NPHP4: variants seen among roughly 807,000 people sequenced by gnomAD.
NPHP4 encodes nephrocystin 4.
In NPHP4, 151 loss-of-function variants were observed where a neutral mutation model predicts 155.8. The observed-to-expected ratio is 0.97, with a 90% confidence interval of 0.85 to 1.11. NPHP4 has a LOEUF of 1.11. Ranked by LOEUF, NPHP4 falls within the 50% of genes least tolerant of loss-of-function variation. NPHP4 has a pLI of 0.00. For synonymous variants in NPHP4, 845 were observed against 816.8 expected (o/e 1.03, Z -0.59); for missense variants, 1,956 against 1,925.7 (o/e 1.02, Z -0.29).
At chr1:5,942,678 G>C (rs1007278787) in intron 9 of NPHP4, among the ~76,000 whole-genome samples, 8 of 151,388 alleles carry the variant, frequency 5.3e-5, no homozygotes, top group African/African-American at 1.5e-4. Flanking sequence ...TCCTGAACTG[G>C]ACACGGTACT....
intron 16 of NPHP4, among the ~76,000 whole-genome samples, chr1:5,897,297 C>T (rs1644441169): frequency 6.6e-6 from 1 of 152,072 alleles, no homozygotes; most frequent in African/African-American, 2.4e-5. Flanking sequence ...TTGCATGAAG[C>T]CAAAAAATGT....
rs1372922219 is a variant in NPHP4, at chr1:5,863,242, G to A, written c.*23C>T. 3.1e-6 allele frequency: 5 copies of A among 1,613,504 alleles called. No homozygotes were observed. The highest frequency in any genetic ancestry group is 2.2e-5 in the East Asian group (1 of 44,900). ...AGACAGGCCCCAGCTGGGTGCCGCA[G>A]GAAGGACGTCACCCTCAAGCCCTCA... On this transcript the variant is annotated 3_prime_UTR_variant, in exon 30 of 30. Transcript: ENST00000378156.
chr1:5,941,832 C>T (rs545384387), intron 9 of NPHP4, among the ~76,000 whole-genome samples: 3 of 152,306 alleles, frequency 2.0e-5, no homozygotes, highest in African/African-American at 2.4e-5. Context: ...ACAAGTCAAC[C>T]ATCTACCCAC....
chr1:5,911,525 G>A (rs140838389), intron 11 of NPHP4, among the ~76,000 whole-genome samples: 2 of 152,282 alleles, frequency 1.3e-5, no homozygotes, highest in South Asian at 2.1e-4. Context: ...TGAACTTCTC[G>A]CATGCATTTT....
At chr1:5,969,374 C>G (rs1449721709) in intron 3 of NPHP4, 115 bp from the exon 4 acceptor site, 2 of 585,306 alleles carry the variant, frequency 3.4e-6, no homozygotes, top group Non-Finnish European at 5.8e-6. Context: ...CATCCGGAAC[C>G]CTCTACCATG....
intron 6 of NPHP4, among the ~76,000 whole-genome samples, chr1:5,954,974 A>G (rs1447529209): frequency 6.6e-6 from 1 of 152,156 alleles, no homozygotes; most frequent in Non-Finnish European, 1.5e-5. Flanking sequence ...TGTAAACTAT[A>G]TATCTAACAA....
Position 5,910,325 on chromosome 1 carries a change from C to T in NPHP4, c.1442-1112G>A, listed in dbSNP as rs1357503479. Among the ~76,000 whole-genome samples the T allele has an allele frequency of 2.6e-5, 4 of 152,180 alleles. No homozygotes were observed. Among genetic ancestry groups the T allele is most frequent in the Non-Finnish European group, 5.9e-5 (4 of 68,030 alleles). ...TCCTTCACGGTGACAGGACTCTCCA[C>T]TGCAGCAGACACTACCACTCCCCAT... is the stretch of plus-strand genomic sequence containing the variant. On this transcript the variant is annotated intron_variant, in intron 11 of 29. Coordinates refer to ENST00000378156, the MANE Select transcript of NPHP4 (RefSeq NM_015102.5). The surrounding 1 kb of genome is among the most constrained non-coding windows in gnomAD (Gnocchi z 5.4).
intron 7 of NPHP4, among the ~76,000 whole-genome samples, chr1:5,950,976 C>G (rs760482817): frequency 6.6e-6 from 1 of 152,166 alleles, no homozygotes; most frequent in Admixed American, 6.5e-5. Context: ...CAGCCTCCCA[C>G]GGGAGCATGG....
At chr1:5,924,762 C>A (rs1363907353) in intron 11 of NPHP4, among the ~76,000 whole-genome samples, 4 of 152,180 alleles carry the variant, frequency 2.6e-5, no homozygotes, top group Non-Finnish European at 4.4e-5. Flanking sequence ...TCAACCAATC[C>A]TCTTGCCTTG....
rs780624979 is a variant in NPHP4 at position 5,867,825 on chromosome 1, C to G, written c.3387G>C (p.Val1129=). The G allele has an allele frequency of 6.2e-7, 1 of 1,613,708 alleles. No individual in the cohort carries two copies. Among genetic ancestry groups the G allele is most frequent in the Non-Finnish European group, 8.5e-7 (1 of 1,179,866 alleles). Residue 1129 remains valine, a synonymous_variant, in exon 24 of 30, where the codon GTG becomes GTC. Coordinates refer to ENST00000378156, the MANE Select transcript of NPHP4 (RefSeq NM_015102.5). This position sits in a 1 kb window ranked among gnomAD's most constrained non-coding sequence, Gnocchi z 4.1. ...GATAGAAGCGGAAGACCTGGTCCAC[C>G]ACGTGGGGCTGCAGCTCCACAGTCA... The part of the protein sequence containing the change: ...LCLTVELQPH[V]VDQVFRFYHP...
At chr1:5,884,848 G>A (rs1322725700) in intron 18 of NPHP4, among the ~76,000 whole-genome samples, 2 of 140,570 alleles carry the variant, frequency 1.4e-5, no homozygotes, top group Non-Finnish European at 3.0e-5. Flanking sequence ...CAAGATCACT[G>A]CCCAAGCTCC....
At position 5,892,669 on chromosome 1, in the gene NPHP4, G is replaced by A. The variant is rs907314158; in HGVS notation, c.2144-1641C>T. Among the ~76,000 whole-genome samples, 1 of 151,946 alleles carries A rather than the reference G, an allele frequency of 6.6e-6. No homozygotes were observed. The highest frequency in any genetic ancestry group is 2.4e-5 in the African/African-American group (1 of 41,328). ...GGGTCGAGCTGTGTTTGGGACGCGC[G>A]TACTCTCCCCACTGCAGCCTCAGAC... is the stretch of plus-strand genomic sequence containing the variant. On this transcript the variant is annotated intron_variant, in intron 16 of 29. Coordinates refer to ENST00000378156, the MANE Select transcript of NPHP4 (RefSeq NM_015102.5). This position sits in a 1 kb window ranked among gnomAD's most constrained non-coding sequence, Gnocchi z 4.5.
rs1223394721 is a variant in NPHP4 at position 5,877,227 on chromosome 1, C to T, written c.2683G>A (p.Ala895Thr). 6.2e-7 allele frequency: 1 copy of T among 1,608,702 alleles called. No individual in the cohort carries two copies. Among genetic ancestry groups the T allele is most frequent in the African/African-American group, 1.3e-5 (1 of 74,888 alleles). ...TCCTGGGGCCCCTTGCCCTGCCGGG[C>T]ATGGGTCAGTAGCATGGCAGCCAGC... ...SELAAMLLTH[A>T]RQGKGPQDVS... The change falls in exon 20 of 30, where the codon GCC becomes ACC. Residue 895 changes from alanine (A) to threonine (T), a missense_variant. By Grantham distance (58) the Ala-to-Thr change is moderately conservative. Transcript: ENST00000378156.
intron 23 of NPHP4, among the ~76,000 whole-genome samples, chr1:5,871,839 G>A (rs998335019): frequency 6.6e-6 from 1 of 152,184 alleles, no homozygotes; most frequent in Admixed American, 6.5e-5. Flanking sequence ...CGATGCCGAG[G>A]TCTGCGTTGA....
At chr1:5,960,334 G>A (rs1650064051) in intron 6 of NPHP4, among the ~76,000 whole-genome samples, 1 of 152,106 alleles carries the variant, frequency 6.6e-6, no homozygotes, top group South Asian at 2.1e-4. Context: ...CAATGATGAT[G>A]TCCACCATAG....
rs764600320 is a variant in NPHP4, at chr1:5,874,830, C to G, written c.3044+44G>C. 4 of 1,591,364 alleles carry G rather than the reference C, an allele frequency of 2.5e-6. No homozygotes were observed. The South Asian group carries it at 3.3e-5, about 13-fold the overall frequency. On this transcript the variant is annotated intron_variant, in intron 21 of 29. Coordinates refer to ENST00000378156, the MANE Select transcript of NPHP4 (RefSeq NM_015102.5). ...CAGCAGGGGTGCCGGCTGCACCCGACACAGATCTGGGCTGGGGCAGGACGG... is the reference window on the plus strand; with the variant it reads ...CAGCAGGGGTGCCGGCTGCACCCGAGACAGATCTGGGCTGGGGCAGGACGG...
intron 23 of NPHP4, 48 bp downstream of exon 23, chr1:5,873,203 GA>G (rs758464422): frequency 6.8e-7 from 1 of 1,481,398 alleles, no homozygotes; most frequent in Non-Finnish European, 9.4e-7. Flanking sequence ...CAGGCCCTGG[GA>G]ATACCCAGGA....
At chr1:5,885,901 C>T (rs140174679) in intron 18 of NPHP4, among the ~76,000 whole-genome samples, 3,222 of 152,320 alleles carry the variant, frequency 0.021, 62 homozygotes, top group Middle Eastern at 0.048. Flanking sequence ...CGGGTGGATT[C>T]GACCTTTGTG....
At chr1:5,894,717 C>A (rs1056309947) in intron 16 of NPHP4, among the ~76,000 whole-genome samples, 7 of 151,264 alleles carry the variant, frequency 4.6e-5, no homozygotes, top group African/African-American at 1.7e-4. Flanking sequence ...GTAAAGAATA[C>A]CAAAAATCAA....
Sources: gnomAD v4.1 joint callset for allele counts (sites outside exome capture counted in the v4.1 genomes callset) on GRCh38, gnomAD v4.1.1 for gene constraint, Gnocchi (gnomAD v3.1) non-coding constraint, MANE v1.5 for transcripts, NCBI Gene and HGNC (gene_info 2026-07-23, HGNC 2026-07-21) for gene names.